Variants in NRCAM observed in about 807,000 individuals in gnomAD.
NRCAM encodes the protein NgCAM-related cell adhesion molecule.
A neutral mutation model predicts 156.5 loss-of-function variants in NRCAM; 83 were observed. The ratio of observed to expected loss-of-function variants is 0.53; its 90% confidence interval spans 0.44 to 0.64. The LOEUF (loss-of-function observed/expected upper bound fraction) is 0.64, where lower values mean the gene tolerates loss of function less well. Among genes scored for constraint, NRCAM ranks in the 30% least tolerant of loss-of-function variants. The probability of loss-of-function intolerance (pLI) is 0.00; values close to 1 mark genes in which losing one functional copy is unlikely to be tolerated. For synonymous variants in NRCAM, 538 were observed against 563.9 expected, an observed-to-expected ratio of 0.95 and a Z score of 0.65; for missense variants, 1,417 against 1,597.3, an observed-to-expected ratio of 0.89 and a Z score of 1.92.
intron 3 of NRCAM, among the ~76,000 whole-genome samples, chr7:108,264,485 C>T (rs1216817170): frequency 6.6e-6 from 1 of 152,242 alleles, no homozygotes; most frequent in Non-Finnish European, 1.5e-5. Flanking sequence ...ACCAACAACA[C>T]AGATTATTCT....
At chr7:108,449,900 AAT>A (rs1848407195) in intron 1 of NRCAM, among the ~76,000 whole-genome samples, 1 of 141,866 alleles carries the variant, frequency 7.0e-6, no homozygotes, top group Non-Finnish European at 1.6e-5. Flanking sequence ...TTGCCCTAGA[AAT>A]AGATTTTTTT....
At chr7:108,168,247 T>TA in intron 29 of NRCAM, 30 bp downstream of exon 29, 1 of 1,479,112 alleles carries the variant, frequency 6.8e-7, no homozygotes, top group Non-Finnish European at 9.0e-7. Flanking sequence ...TCCCCCAAAT[T>TA]AAAAATCGGG....
rs890528427 is a variant in NRCAM at position 108,257,662 on chromosome 7, T to G, written c.-106-17492A>C. Reference sequence around the variant, plus strand: ...AAATAAGCTACATTTGTCATTTTCATGAAAAAATTATTTCTATCATCATCT... The same window carrying G: ...AAATAAGCTACATTTGTCATTTTCAGGAAAAAATTATTTCTATCATCATCT... On this transcript the variant is annotated intron_variant, in intron 3 of 32. Transcript: ENST00000379028. 5.9e-5 allele frequency among the ~76,000 whole-genome samples: 9 copies of G among 152,210 alleles called. No homozygotes were observed. In the South Asian group the frequency reaches 1.9e-3, roughly 32 times the overall value.
At chr7:108,231,340 C>T (rs2094304853) in intron 7 of NRCAM, among the ~76,000 whole-genome samples, 187 bp from the exon 8 acceptor site, 1 of 152,104 alleles carries the variant, frequency 6.6e-6, no homozygotes, top group Non-Finnish European at 1.5e-5. Flanking sequence ...AATGACAATT[C>T]TCATGCATTG....
rs2055999561 is a variant in NRCAM at position 108,168,134 on chromosome 7, T to C, written c.3313+143A>G. 2.3e-6 allele frequency: 2 copies of C among 862,882 alleles called. No individual in the cohort carries two copies. Among genetic ancestry groups the C allele is most frequent in the East Asian group, 6.5e-5 (2 of 30,618 alleles). The allele number at this position is 862,882 out of a possible 1,614,324, so 53.5% of individuals were successfully genotyped here. ...AATATGTGGTAGGCTGATGGTTCACTATAATTTTTTTAGATAACTCATTCA... is the reference window on the plus strand; with the variant it reads ...AATATGTGGTAGGCTGATGGTTCACCATAATTTTTTTAGATAACTCATTCA... On this transcript the variant is annotated intron_variant, in intron 29 of 32. Transcript: ENST00000379028.
At chr7:108,242,304 C>T (rs990581686) in intron 3 of NRCAM, among the ~76,000 whole-genome samples, 1 of 144,930 alleles carries the variant, frequency 6.9e-6, no homozygotes, top group Non-Finnish European at 1.5e-5. Flanking sequence ...AAAGATTATA[C>T]ACTTACATAA....
rs530047125 is a variant in NRCAM at position 108,339,203 on chromosome 7, A to C, written c.-173-26472T>G. 4.6e-5 allele frequency among the ~76,000 whole-genome samples: 7 copies of C among 152,356 alleles called. No homozygotes were observed. In the South Asian group the frequency reaches 1.4e-3, roughly 32 times the overall value. On this transcript the variant is annotated intron_variant, in intron 2 of 32. Coordinates refer to ENST00000379028, the MANE Select transcript of NRCAM (RefSeq NM_001037132.4). ...CAAAGGTCTGACCAGACCTAGGAGG[A>C]ACTCCCTTCAGTACAGGATGATAGA...
chr7:108,331,474 T>C (rs999134621), intron 2 of NRCAM, among the ~76,000 whole-genome samples: 37 of 152,202 alleles, frequency 2.4e-4, no homozygotes, highest in African/African-American at 8.4e-4. Flanking sequence ...GCAAATGTTA[T>C]AGTTCTAAAC....
chr7:108,372,118 A>G (rs114860705), intron 2 of NRCAM, among the ~76,000 whole-genome samples: 315 of 152,316 alleles, frequency 2.1e-3, no homozygotes, highest in African/African-American at 7.2e-3. Context: ...CAATGGGGCA[A>G]GAATCTTATC....
At chr7:108,384,616 C>CT (rs1244370042) in intron 2 of NRCAM, among the ~76,000 whole-genome samples, 4 of 152,114 alleles carry the variant, frequency 2.6e-5, no homozygotes, top group African/African-American at 7.2e-5. Flanking sequence ...TTAAACTGCC[C>CT]TTGGATTACA....
chr7:108,330,435 A>G (rs149699935), intron 2 of NRCAM, among the ~76,000 whole-genome samples: 10 of 152,248 alleles, frequency 6.6e-5, no homozygotes, highest in African/African-American at 1.7e-4. Context: ...TTATTTCAGC[A>G]CACTGCTTCA....
chr7:108,205,229 T>G (rs748350785), intron 13 of NRCAM, among the ~76,000 whole-genome samples: 2 of 152,180 alleles, frequency 1.3e-5, no homozygotes, highest in Non-Finnish European at 2.9e-5. Flanking sequence ...TGAGGACACA[T>G]AGCAGCATCT....
intron 3 of NRCAM, among the ~76,000 whole-genome samples, chr7:108,251,171 T>C (rs1471056065): frequency 1.3e-5 from 2 of 152,120 alleles, no homozygotes; most frequent in Non-Finnish European, 2.9e-5. Context: ...TAAATATTTG[T>C]ACCCTCCGGA....
chr7:108,248,692 C>T (rs950006705), intron 3 of NRCAM, among the ~76,000 whole-genome samples: 5 of 152,164 alleles, frequency 3.3e-5, no homozygotes, highest in Non-Finnish European at 5.9e-5. Flanking sequence ...CCCATGCTCT[C>T]CTGCTTTTAC....
intron 1 of NRCAM, among the ~76,000 whole-genome samples, chr7:108,416,158 G>A (rs1724529330): frequency 6.6e-6 from 1 of 152,204 alleles, no homozygotes; most frequent in Non-Finnish European, 1.5e-5. Flanking sequence ...GCATGACTAA[G>A]ATATTCATCT....
At chr7:108,368,597 G>A (rs895975584) in intron 2 of NRCAM, among the ~76,000 whole-genome samples, 4 of 152,108 alleles carry the variant, frequency 2.6e-5, no homozygotes, top group Admixed American at 6.5e-5. Context: ...TCACTCAAAT[G>A]TTGCTATGGA....
intron 3 of NRCAM, among the ~76,000 whole-genome samples, chr7:108,254,186 A>G (rs2096517188): frequency 6.6e-6 from 1 of 152,238 alleles, no homozygotes; most frequent in Non-Finnish European, 1.5e-5. Flanking sequence ...CAACAAGAAA[A>G]TGCAAAGACA....
At chr7:108,203,606 G>C (rs537765720) in intron 13 of NRCAM, among the ~76,000 whole-genome samples, 76 of 152,298 alleles carry the variant, frequency 5.0e-4, no homozygotes, top group Non-Finnish European at 9.0e-4. Context: ...AGCCTGCAGA[G>C]GCGAAAGGAG....
At chr7:108,438,439 C>A (rs1177583729) in intron 1 of NRCAM, among the ~76,000 whole-genome samples, 2 of 152,046 alleles carry the variant, frequency 1.3e-5, no homozygotes, top group African/African-American at 2.4e-5. Context: ...GCAGAAAATG[C>A]ATTTAACAAA....
Sources: gnomAD v4.1 joint callset for allele counts (sites outside exome capture counted in the v4.1 genomes callset) on GRCh38, gnomAD v4.1.1 for gene constraint, MANE v1.5 for transcripts, NCBI Gene and HGNC (gene_info 2026-07-23, HGNC 2026-07-21) for gene names.